RNF111: variants seen among roughly 807,000 people sequenced by gnomAD.
RNF111 encodes the protein ring finger protein 111.
In RNF111, 17 loss-of-function variants were observed where a neutral mutation model predicts 95.1. The ratio of observed to expected loss-of-function variants is 0.18; its 90% CI spans 0.12 to 0.27. RNF111 has a LOEUF of 0.27. RNF111 is among the 10% of genes least tolerant of loss of function. RNF111 has a pLI of 1.00. For missense variants in RNF111, 1,189 were observed against 1,210.4 expected, an observed-to-expected ratio of 0.98 and a Z score of 0.26; for synonymous variants, 440 against 414.8, an observed-to-expected ratio of 1.06 and a Z score of -0.74.
intron 1 of RNF111, among the ~76,000 whole-genome samples, chr15:58,998,476 C>A (rs200823084): frequency 6.6e-6 from 1 of 152,132 alleles, no homozygotes; most frequent in Non-Finnish European, 1.5e-5. Context: ...AAGGTTGTTA[C>A]AGGGTCTTCC....
rs764974081 is a variant in RNF111, at chr15:59,031,083, A to G, written c.261A>G (p.Lys87=). Reference sequence around the variant, plus strand: ...ATGGTAACCAGCAAGAACAAGAAAAAAGTCTCGTTGTGAGGAAAAAACGCA... The same window carrying G: ...ATGGTAACCAGCAAGAACAAGAAAAGAGTCTCGTTGTGAGGAAAAAACGCA... ...EMNGNQQEQE[K]SLVVRKKRKS... is the part of the protein sequence containing the mutation. Residue 87 remains lysine, a synonymous_variant, in exon 2 of 14, where the codon AAA becomes AAG. Coordinates refer to ENST00000348370, the MANE Select transcript of RNF111 (RefSeq NM_017610.8). 3 of 1,614,270 alleles carry G rather than the reference A, an allele frequency of 1.9e-6. No individual in the cohort carries two copies. The highest frequency in any genetic ancestry group is 2.5e-6 in the Non-Finnish European group (3 of 1,180,052).
intron 1 of RNF111, among the ~76,000 whole-genome samples, chr15:58,997,471 C>A (rs2039127664): frequency 6.6e-6 from 1 of 151,316 alleles, no homozygotes; most frequent in Non-Finnish European, 1.5e-5. Context: ...AGTGGCCAAA[C>A]TGCATTAGTA....
chr15:59,052,356 T>G lies in RNF111; in HGVS notation c.932T>G (p.Val311Gly). 6.2e-7 allele frequency: 1 copy of G among 1,607,224 alleles called. No homozygotes were observed. Among genetic ancestry groups the G allele is most frequent in the Non-Finnish European group, 8.5e-7 (1 of 1,177,162 alleles). ...ATAGAAGCTTCCTCCACTCCCCAGG[T>G]TACTGCCAATGAAGAAATTAATGTT... is the stretch of plus-strand genomic sequence containing the variant. Reference protein sequence around the residue: ...VVIEASSTPQVTANEEINVTS... With the variant: ...VVIEASSTPQGTANEEINVTS... Residue 311 changes from valine to glycine, a missense_variant, in exon 3 of 14, where the codon GTT becomes GGT. Val to Gly is a moderately radical substitution (Grantham distance 109). Around this residue, in one of 2 missense-constraint regions of RNF111, gnomAD observed 1,024 missense variants for 925.9 expected, o/e 1.11. Transcript: ENST00000348370.
intron 1 of RNF111, among the ~76,000 whole-genome samples, chr15:59,028,521 CAT>C (rs1449436725): frequency 2.0e-5 from 3 of 152,186 alleles, no homozygotes; most frequent in African/African-American, 7.2e-5. Flanking sequence ...GTCTCTCTCT[CAT>C]AGTGTGAGTA....
Position 59,097,328 on chromosome 15 carries a change from A to G in RNF111, c.*2428A>G, listed in dbSNP as rs1448761642. 6.6e-6 allele frequency: 1 copy of G among 152,044 alleles called. No homozygotes were observed. 9.4% of individuals were successfully genotyped at this position (152,044 alleles called of 1,614,324 possible). ...AAGTGATAAACTGATAATTTGAAAC[A>G]TTTTTCTTACTCTGGTGACTTTCTT... On this transcript the variant is annotated 3_prime_UTR_variant, in exon 14 of 14. Transcript: ENST00000348370.
At chr15:59,012,281 A>T (rs1163660523) in intron 1 of RNF111, among the ~76,000 whole-genome samples, 1 of 151,752 alleles carries the variant, frequency 6.6e-6, no homozygotes, top group East Asian at 1.9e-4. Flanking sequence ...GGCCTCCCAA[A>T]ATGTTGAGAT....
At chr15:59,073,043 G>A (rs986602432) in intron 6 of RNF111, among the ~76,000 whole-genome samples, 8 of 151,990 alleles carry the variant, frequency 5.3e-5, no homozygotes, top group Admixed American at 3.9e-4. Context: ...GCAGTGGCAC[G>A]CGCCTGTGGT....
chr15:59,058,053 T>C (rs1288924828), intron 4 of RNF111, among the ~76,000 whole-genome samples: 1 of 152,232 alleles, frequency 6.6e-6, no homozygotes, highest in African/African-American at 2.4e-5. Flanking sequence ...TTTTACTGTT[T>C]TCTTCTTTGT....
At chr15:59,092,770 GCT>G (rs1193391012) in intron 13 of RNF111, 130 bp downstream of exon 13, 1 of 880,592 alleles carries the variant, frequency 1.1e-6, no homozygotes, top group East Asian at 2.9e-5. Flanking sequence ...AAGGCCAGAG[GCT>G]CTCTTGAGGC....
chr15:59,008,518 C>G (rs2039645656), intron 1 of RNF111, among the ~76,000 whole-genome samples: 1 of 152,224 alleles, frequency 6.6e-6, no homozygotes, highest in Non-Finnish European at 1.5e-5. Flanking sequence ...CGCACTCAGC[C>G]TACCACCATT....
In RNF111 at chr15:59,094,946, C is replaced by G. The variant is rs747100788; in HGVS notation, c.*46C>G. On this transcript the variant is annotated 3_prime_UTR_variant, in exon 14 of 14. Coordinates refer to ENST00000348370, the MANE Select transcript of RNF111 (RefSeq NM_017610.8). Reference sequence around the variant, plus strand: ...GCCCTCCCTCTCATTCCCATCCTTCCTGGTACTGCAGTCAACCAAAGATGG... The same window carrying G: ...GCCCTCCCTCTCATTCCCATCCTTCGTGGTACTGCAGTCAACCAAAGATGG... 3.2e-5 allele frequency: 36 copies of G among 1,117,702 alleles called. No homozygotes were observed. The South Asian group carries it at 3.7e-4, about 12-fold the overall frequency. 69.2% of individuals were successfully genotyped at this position (1,117,702 alleles called of 1,614,324 possible). A position where few individuals can be genotyped will look rare whatever the true frequency, so the allele number is the denominator to read the frequency against.
intron 4 of RNF111, among the ~76,000 whole-genome samples, chr15:59,056,497 T>G (rs1285781308): frequency 7.9e-5 from 12 of 152,208 alleles, no homozygotes; most frequent in African/African-American, 2.9e-4. Context: ...ACTCATAATT[T>G]CCCAAAAGGA....
chr15:59,034,735 A>G (rs1330835145), intron 2 of RNF111, among the ~76,000 whole-genome samples: 7 of 152,248 alleles, frequency 4.6e-5, no homozygotes, highest in Non-Finnish European at 1.0e-4. Flanking sequence ...TGATTTGGCA[A>G]AAAGTCTTAG....
chr15:59,012,906 T>C (rs1311624018), intron 1 of RNF111, among the ~76,000 whole-genome samples: 1 of 152,108 alleles, frequency 6.6e-6, no homozygotes, highest in Non-Finnish European at 1.5e-5. Flanking sequence ...ACCTGGCTAA[T>C]TTTTGTATTT....
chr15:59,018,681 T>C (rs2040186692), intron 1 of RNF111, among the ~76,000 whole-genome samples: 1 of 152,172 alleles, frequency 6.6e-6, no homozygotes, highest in African/African-American at 2.4e-5. Flanking sequence ...TATATTAATA[T>C]AAGTTGTTTT....
intron 7 of RNF111, among the ~76,000 whole-genome samples, chr15:59,078,575 A>G (rs1470376493): frequency 3.4e-5 from 5 of 146,872 alleles, no homozygotes; most frequent in Non-Finnish European, 6.0e-5. Context: ...AAAAAAAAAA[A>G]GACCAGGCAC....
chr15:59,007,005 C>A (rs181405164), intron 1 of RNF111, among the ~76,000 whole-genome samples: 15 of 152,296 alleles, frequency 9.8e-5, no homozygotes, highest in Admixed American at 9.2e-4. Flanking sequence ...CCAGGCTGGT[C>A]TTGAACTCCT....
intron 6 of RNF111, among the ~76,000 whole-genome samples, chr15:59,072,484 C>T (rs1199410893): frequency 4.3e-5 from 6 of 138,612 alleles, no homozygotes; most frequent in Admixed American, 1.5e-4. Context: ...GAGACAGCCT[C>T]GCTCTGTTGC....
intron 1 of RNF111, among the ~76,000 whole-genome samples, chr15:58,990,563 T>C (rs1401372367): frequency 1.3e-5 from 2 of 152,170 alleles, no homozygotes; most frequent in East Asian, 1.9e-4. Context: ...GGCAGGAGAA[T>C]GGCTTGAACC....
Sources: allele counts gnomAD v4.1 joint callset (sites outside exome capture counted in the v4.1 genomes callset), GRCh38; gene constraint gnomAD v4.1.1; regional missense constraint gnomAD v4.1.1; transcripts MANE v1.5; gene names NCBI Gene and HGNC (gene_info 2026-07-23, HGNC 2026-07-21).